ACTR3B: variants seen among roughly 807,000 people sequenced by gnomAD.
ACTR3B encodes actin related protein 3B, also known as actin-related protein 3B.
In ACTR3B, 8 loss-of-function variants were observed where a neutral mutation model predicts 59.0. The observed-to-expected ratio is 0.14, with a 90% CI of 0.08 to 0.24. ACTR3B has a LOEUF of 0.24. Among genes scored for constraint, ACTR3B ranks in the 10% least tolerant of loss-of-function variants. ACTR3B has a pLI of 1.00. For synonymous variants in ACTR3B, 148 were observed against 197.9 expected (o/e 0.75, Z 2.12); for missense variants, 245 against 552.3 (o/e 0.44, Z 5.58).
chr7:152,790,226 C>T (rs1274582859), intron 2 of ACTR3B, among the ~76,000 whole-genome samples: 22 of 152,366 alleles, frequency 1.4e-4, no homozygotes, highest in African/African-American at 4.6e-4. Flanking sequence ...CTTCTGGGCT[C>T]ATGCAGTCCT....
chr7:152,780,293 G>A (rs2098147885), intron 1 of ACTR3B, among the ~76,000 whole-genome samples: 1 of 150,772 alleles, frequency 6.6e-6, no homozygotes, highest in Non-Finnish European at 1.5e-5. Context: ...GGAGGTTGCA[G>A]TGAGCCGAGA....
intron 1 of ACTR3B, among the ~76,000 whole-genome samples, chr7:152,773,741 A>G (rs1213628425): frequency 2.0e-5 from 3 of 152,198 alleles, no homozygotes; most frequent in Non-Finnish European, 4.4e-5. Context: ...TGATTTTATC[A>G]TTGTACTCTG....
At chr7:152,809,090 C>T (rs1281392773) in intron 4 of ACTR3B, among the ~76,000 whole-genome samples, 5 of 151,340 alleles carry the variant, frequency 3.3e-5, no homozygotes, top group Non-Finnish European at 5.9e-5. Flanking sequence ...CTCCTCAGCC[C>T]GAGTAGGCGC....
rs180898529 is a variant in ACTR3B, at chr7:152,769,496, C to A, written c.44+9570C>A. On this transcript the variant is annotated intron_variant, in intron 1 of 11. Transcript: ENST00000256001. ...ATTATTCTTTCTGAATTGTCTGTAC[C>A]CAAAATATTGTTTTGCTTTTTAGTC... is the stretch of plus-strand genomic sequence containing the variant. Among the ~76,000 whole-genome samples the A allele has an allele frequency of 4.5e-4, 68 of 151,748 alleles. 1 individual carries two copies. The highest frequency in any genetic ancestry group is 1.5e-3 in the African/African-American group (64 of 41,352).
chr7:152,824,659 C>T lies in ACTR3B; in HGVS notation c.859-371C>T, dbSNP rs769413738. 1.3e-5 allele frequency among the ~76,000 whole-genome samples: 2 copies of T among 152,114 alleles called. No homozygotes were observed. The highest frequency in any genetic ancestry group is 2.9e-5 in the Non-Finnish European group (2 of 68,032). On this transcript the variant is annotated intron_variant, in intron 8 of 11. Coordinates refer to ENST00000256001, the MANE Select transcript of ACTR3B (RefSeq NM_020445.6). The surrounding 1 kb of genome is among the most constrained non-coding windows in gnomAD (Gnocchi z 4.2). ...CTTATATACTAATTTTCTCATAATA[C>T]GAATATTGTCAAATGATATGTCAAA...
At chr7:152,850,331 C>T (rs929499146) in intron 9 of ACTR3B, among the ~76,000 whole-genome samples, 1 of 151,856 alleles carries the variant, frequency 6.6e-6, no homozygotes, top group Non-Finnish European at 1.5e-5. Flanking sequence ...GTCACTTCTC[C>T]AGGTGGAAGG....
intron 5 of ACTR3B, among the ~76,000 whole-genome samples, chr7:152,815,723 G>A (rs1269935073): frequency 6.6e-6 from 1 of 152,122 alleles, no homozygotes; most frequent in African/African-American, 2.4e-5. Flanking sequence ...TCCCTTTGGG[G>A]CAACATTTTC....
intron 9 of ACTR3B, among the ~76,000 whole-genome samples, chr7:152,828,371 T>C (rs1042992755): frequency 1.3e-4 from 20 of 152,158 alleles, no homozygotes; most frequent in African/African-American, 4.8e-4. Flanking sequence ...GGACTCTCGC[T>C]GTGTGGGATG....
At chr7:152,834,115 T>A (rs1349196014) in intron 9 of ACTR3B, among the ~76,000 whole-genome samples, 1 of 151,258 alleles carries the variant, frequency 6.6e-6, no homozygotes. Flanking sequence ...AAAAAACACT[T>A]TTACAAAGGA....
intron 1 of ACTR3B, among the ~76,000 whole-genome samples, chr7:152,763,780 T>C (rs1286258649): frequency 1.3e-5 from 2 of 152,184 alleles, no homozygotes; most frequent in African/African-American, 4.8e-5. Flanking sequence ...AATGGTGATT[T>C]TTGAACTCTA....
intron 9 of ACTR3B, among the ~76,000 whole-genome samples, chr7:152,851,898 T>C (rs1367395918): frequency 6.6e-6 from 1 of 152,090 alleles, no homozygotes; most frequent in Non-Finnish European, 1.5e-5. Context: ...TTTGCTTTGC[T>C]GTAATTGAGG....
At chr7:152,841,506 A>C (rs1014113206) in intron 9 of ACTR3B, among the ~76,000 whole-genome samples, 8 of 152,032 alleles carry the variant, frequency 5.3e-5, no homozygotes, top group African/African-American at 1.9e-4. Flanking sequence ...TGTTGAGTTT[A>C]CTGGTTCACA....
At chr7:152,793,069 A>T (rs2116687777) in intron 2 of ACTR3B, among the ~76,000 whole-genome samples, 1 of 133,216 alleles carries the variant, frequency 7.5e-6, no homozygotes, top group Non-Finnish European at 1.6e-5. Context: ...AAGTTTGAGT[A>T]TAATGTGTTT....
At chr7:152,828,512 C>T (rs937234887) in intron 9 of ACTR3B, among the ~76,000 whole-genome samples, 11 of 151,978 alleles carry the variant, frequency 7.2e-5, no homozygotes, top group Admixed American at 6.6e-5. Flanking sequence ...GAGCATGCCC[C>T]GAATCGTCTG....
chr7:152,797,352 A>G lies in ACTR3B; in HGVS notation c.101-3179A>G, dbSNP rs182628470. 2.2e-4 allele frequency among the ~76,000 whole-genome samples: 33 copies of G among 152,162 alleles called. No homozygotes were observed. The East Asian group carries it at 6.4e-3, about 29-fold the overall frequency. Reference sequence around the variant, plus strand: ...TGCCTTAGCCTCCTGAGTCTCTGGGATTACGTGCATGAGCCATGAGCCACC... The same window carrying G: ...TGCCTTAGCCTCCTGAGTCTCTGGGGTTACGTGCATGAGCCATGAGCCACC... On this transcript the variant is annotated intron_variant, in intron 2 of 11. Coordinates refer to ENST00000256001, the MANE Select transcript of ACTR3B (RefSeq NM_020445.6).
intron 7 of ACTR3B, among the ~76,000 whole-genome samples, chr7:152,821,532 C>G (rs1329030862): frequency 6.6e-6 from 1 of 152,232 alleles, no homozygotes; most frequent in Admixed American, 6.5e-5. Flanking sequence ...TCCAGTGAGT[C>G]TGAGTCCTCC....
chr7:152,809,628 G>A (rs2098263442), intron 4 of ACTR3B, among the ~76,000 whole-genome samples: 1 of 151,170 alleles, frequency 6.6e-6, no homozygotes, highest in Non-Finnish European at 1.5e-5. Context: ...CGCAACCTCC[G>A]CCTCCCGGGT....
chr7:152,835,168 G>A (rs1360634738), intron 9 of ACTR3B, among the ~76,000 whole-genome samples: 1 of 152,198 alleles, frequency 6.6e-6, no homozygotes, highest in Non-Finnish European at 1.5e-5. Flanking sequence ...GCCAAGCCGC[G>A]TGGGTCTCCA....
chr7:152,787,385 A>T (rs1198133467), intron 2 of ACTR3B, among the ~76,000 whole-genome samples: 1 of 152,120 alleles, frequency 6.6e-6, no homozygotes, highest in African/African-American at 2.4e-5. Context: ...TTTTTCGCAG[A>T]TACTTTTTTA....
Sources: allele counts gnomAD v4.1 joint callset (sites outside exome capture counted in the v4.1 genomes callset), GRCh38; gene constraint gnomAD v4.1.1; non-coding constraint Gnocchi (gnomAD v3.1); transcripts MANE v1.5; gene names NCBI Gene and HGNC (gene_info 2026-07-23, HGNC 2026-07-21).